Variants in PCDHGB2 observed in about 807,000 individuals in gnomAD.
PCDHGB2 encodes protocadherin gamma subfamily B, 2, also known as protocadherin gamma-B2.
PCDHGB2 carries 55 observed loss-of-function variants against 59.3 expected under a neutral mutation model. The observed-to-expected ratio is 0.93, with a 90% CI of 0.75 to 1.16. The LOEUF (loss-of-function observed/expected upper bound fraction) is 1.16. Ranked by LOEUF, PCDHGB2 falls within the 50% of genes most tolerant of loss-of-function variation. The probability of loss-of-function intolerance (pLI) is 0.00; values close to 1 mark genes in which losing one functional copy is unlikely to be tolerated. For synonymous variants in PCDHGB2, 516 were observed against 512.0 expected (o/e 1.01, Z -0.11); for missense variants, 1,228 against 1,198.5 (o/e 1.02, Z -0.36).
At chr5:141,439,524 A>T (rs774174912) in intron 1 of PCDHGB2, among the ~76,000 whole-genome samples, 2 of 152,114 alleles carry the variant, frequency 1.3e-5, no homozygotes, top group Admixed American at 6.5e-5. Flanking sequence ...AACTAACTCT[A>T]CAGAACGCTG....
In PCDHGB2 at chr5:141,421,624, A is replaced by G; in HGVS notation, c.2421+59068A>G. On this transcript the variant is annotated intron_variant, in intron 1 of 3. Transcript: ENST00000522605. ...AATAGATATTAATGATAACGCCCCC[A>G]GCTTCCAGGAGGACGAAGTGGAGAT... 2.5e-6 allele frequency: 4 copies of G among 1,613,872 alleles called. No homozygotes were observed. The South Asian group carries it at 3.3e-5, about 13-fold the overall frequency.
Position 141,393,633 on chromosome 5 carries a change from A to G in PCDHGB2, c.2421+31077A>G, listed in dbSNP as rs376168054. The stretch of plus-strand genomic sequence containing the variant: ...AGCCAGCGACCCGGATGAGGGAATC[A>G]ACGGAAAAGTGGCATACAAATTCCG... On this transcript the variant is annotated intron_variant, in intron 1 of 3. Transcript: ENST00000522605. 8 of 1,613,854 alleles carry G rather than the reference A, an allele frequency of 5.0e-6. No homozygotes were observed. The highest frequency in any genetic ancestry group is 1.3e-5 in the African/African-American group (1 of 74,956).
chr5:141,412,790 A>G lies in PCDHGB2; in HGVS notation c.2421+50234A>G, dbSNP rs557299291. ...ATTTACAATATTTTCACTCCACTTTATCACACCTCCCCTAAGAAACCTACA... is the reference window on the plus strand; with the variant it reads ...ATTTACAATATTTTCACTCCACTTTGTCACACCTCCCCTAAGAAACCTACA... On this transcript the variant is annotated intron_variant, in intron 1 of 3. Coordinates refer to ENST00000522605, the MANE Select transcript of PCDHGB2 (RefSeq NM_018923.3). Among the ~76,000 whole-genome samples the G allele has an allele frequency of 2.0e-5, 3 of 152,370 alleles. No individual in the cohort carries two copies. The South Asian group carries it at 6.2e-4, about 32-fold the overall frequency.
intron 1 of PCDHGB2, chr5:141,400,191 A>C (rs781032596): frequency 5.0e-6 from 8 of 1,613,852 alleles, no homozygotes; most frequent in Non-Finnish European, 4.2e-6. Context: ...AGTTTTACCT[A>C]GTGGTGGCCT....
rs1414722237 is a variant in PCDHGB2 at position 141,432,748 on chromosome 5, C to T, written c.2422-62059C>T. On this transcript the variant is annotated intron_variant, in intron 1 of 3. Coordinates refer to ENST00000522605, the MANE Select transcript of PCDHGB2 (RefSeq NM_018923.3). The surrounding 1 kb of genome is among the most constrained non-coding windows in gnomAD (Gnocchi z 6.0). ...CCGCCACTGTCACGCTCACCGTGGC[C>T]GTGGCCGACAGCATCCCCCAAGTCC... 1 of 1,614,120 alleles carries T rather than the reference C, an allele frequency of 6.2e-7. No homozygotes were observed. The highest frequency in any genetic ancestry group is 8.5e-7 in the Non-Finnish European group (1 of 1,179,980).
At chr5:141,504,240 G>A (rs1275204117) in intron 2 of PCDHGB2, among the ~76,000 whole-genome samples, 1 of 152,182 alleles carries the variant, frequency 6.6e-6, no homozygotes, top group Non-Finnish European at 1.5e-5. Context: ...AAGAAGCAGA[G>A]AGTTCTTCTT....
intron 1 of PCDHGB2, among the ~76,000 whole-genome samples, chr5:141,466,246 A>G (rs1357175003): frequency 6.6e-6 from 1 of 152,100 alleles, no homozygotes; most frequent in Non-Finnish European, 1.5e-5. Flanking sequence ...TCATGGCTCA[A>G]TGCAGCCTTG....
At chr5:141,403,596 C>G (rs746360206) in intron 1 of PCDHGB2, 16 of 1,613,650 alleles carry the variant, frequency 9.9e-6, no homozygotes, top group African/African-American at 2.7e-5. Flanking sequence ...CTCACGGCCT[C>G]GGATGGCGGC....
In PCDHGB2 at chr5:141,361,204, C is replaced by T. The variant is rs977758534; in HGVS notation, c.1069C>T (p.Pro357Ser). Reference sequence around the variant, plus strand: ...TGTGACTTCAGTATCTACTCCCCTACCGGAGGATTCGCCACCAGGAACAGT... The same window carrying T: ...TGTGACTTCAGTATCTACTCCCCTATCGGAGGATTCGCCACCAGGAACAGT... The part of the protein sequence containing the change: ...VIVTSVSTPL[P>S]EDSPPGTVIA... The change falls in exon 1 of 4, where the codon CCG becomes TCG. Residue 357 changes from proline to serine, a missense_variant. By Grantham distance (74) the Pro-to-Ser change is moderately conservative (BLOSUM62 -1). Around this residue, in one of 3 missense-constraint regions of PCDHGB2, gnomAD observed 781 missense variants for 721.6 expected, o/e 1.08. Coordinates refer to ENST00000522605, the MANE Select transcript of PCDHGB2 (RefSeq NM_018923.3). 5.6e-6 allele frequency: 9 copies of T among 1,613,832 alleles called. No homozygotes were observed. Among genetic ancestry groups the T allele is most frequent in the Non-Finnish European group, 7.6e-6 (9 of 1,179,888 alleles).
In PCDHGB2 at chr5:141,491,105, C is replaced by T; in HGVS notation, c.2422-3702C>T. ...ACAGCCCCAGGACTGTTCCTCGTGTCTACACACACTGGTGAGGTGCGCACA... is the reference window on the plus strand; with the variant it reads ...ACAGCCCCAGGACTGTTCCTCGTGTTTACACACACTGGTGAGGTGCGCACA... On this transcript the variant is annotated intron_variant, in intron 1 of 3. Transcript: ENST00000522605. This position sits in a 1 kb window ranked among gnomAD's most constrained non-coding sequence, Gnocchi z 6.9. 1 of 1,614,222 alleles carries T rather than the reference C, an allele frequency of 6.2e-7. No individual in the cohort carries two copies. Among genetic ancestry groups the T allele is most frequent in the Non-Finnish European group, 8.5e-7 (1 of 1,180,032 alleles).
At chr5:141,499,689 CTTT>C (rs545067566) in intron 2 of PCDHGB2, among the ~76,000 whole-genome samples, 2 of 119,848 alleles carry the variant, frequency 1.7e-5, no homozygotes, top group African/African-American at 3.1e-5. Context: ...TAACAGATGA[CTTT>C]TTTTTTTTTT....
intron 2 of PCDHGB2, among the ~76,000 whole-genome samples, chr5:141,497,293 C>T (rs1270907262): frequency 6.6e-6 from 1 of 152,136 alleles, no homozygotes. Flanking sequence ...TACCTACCAC[C>T]ACCCCAGGCC....
At chr5:141,417,007 C>A (rs1204390468) in intron 1 of PCDHGB2, 1 of 148,406 alleles carries the variant, frequency 6.7e-6, no homozygotes, top group Non-Finnish European at 1.5e-5. Flanking sequence ...TCAAATAATT[C>A]TATTATTTTG....
At chr5:141,370,334 T>C in intron 1 of PCDHGB2, 3 of 1,443,302 alleles carry the variant, frequency 2.1e-6, no homozygotes, top group Non-Finnish European at 2.8e-6. Context: ...CGGAGAACTC[T>C]TGGGATTATT....
chr5:141,422,342 TG>T, intron 1 of PCDHGB2: 1 of 1,551,514 alleles, frequency 6.4e-7, no homozygotes. Context: ...CTTCTAAATG[TG>T]CAAGATCAAG....
At position 141,360,454 on chromosome 5, in the gene PCDHGB2, G is replaced by A. The variant is rs150944400; in HGVS notation, c.319G>A (p.Asp107Asn). Residue 107 changes from aspartate to asparagine, a missense_variant, in exon 1 of 4, where the codon GAT (aspartate) becomes AAT (asparagine). Physicochemically the swap from Asp to Asn is conservative, Grantham distance 23 (BLOSUM62 1). This residue lies in a region of PCDHGB2 where 781 missense variants were observed against 721.6 expected (regional missense o/e 1.08). Coordinates refer to ENST00000522605, the MANE Select transcript of PCDHGB2 (RefSeq NM_018923.3). ...GCAGCCTCTGTGTGTTCTGGATTTCGATACTGTCGCTGAAAATCCACTAAA... is the reference window on the plus strand; with the variant it reads ...GCAGCCTCTGTGTGTTCTGGATTTCAATACTGTCGCTGAAAATCCACTAAA... ...GKQPLCVLDF[D>N]TVAENPLNIF... The A allele has an allele frequency of 5.0e-4, 804 of 1,613,904 alleles. 3 individuals carry two copies. The African/African-American group carries it at 8.7e-3, about 18-fold the overall frequency.
At position 141,403,188 on chromosome 5, in the gene PCDHGB2, C is replaced by T. The variant is rs763950254; in HGVS notation, c.2421+40632C>T. ...AGGACGCAGCTTTTCTCTCTGAACCCGCGCAGCGGCACCTTGGTCACCGCG... is the reference window on the plus strand; with the variant it reads ...AGGACGCAGCTTTTCTCTCTGAACCTGCGCAGCGGCACCTTGGTCACCGCG... On this transcript the variant is annotated intron_variant, in intron 1 of 3. Coordinates refer to ENST00000522605, the MANE Select transcript of PCDHGB2 (RefSeq NM_018923.3). 5 of 1,613,850 alleles carry T rather than the reference C, an allele frequency of 3.1e-6. No individual in the cohort carries two copies. The African/African-American group carries it at 4.0e-5, about 13-fold the overall frequency.
intron 1 of PCDHGB2, among the ~76,000 whole-genome samples, chr5:141,438,626 A>G (rs1309857700): frequency 2.3e-5 from 1 of 43,566 alleles, no homozygotes; most frequent in Non-Finnish European, 3.7e-5. Flanking sequence ...ATATATATAT[A>G]TATATATATA....
chr5:141,477,569 G>A lies in PCDHGB2; in HGVS notation c.2422-17238G>A. The A allele has an allele frequency of 6.2e-7, 1 of 1,614,104 alleles. No homozygotes were observed. Among genetic ancestry groups the A allele is most frequent in the Non-Finnish European group, 8.5e-7 (1 of 1,180,024 alleles). On this transcript the variant is annotated intron_variant, in intron 1 of 3. Coordinates refer to ENST00000522605, the MANE Select transcript of PCDHGB2 (RefSeq NM_018923.3). This position sits in a 1 kb window ranked among gnomAD's most constrained non-coding sequence, Gnocchi z 4.9. ...ACTAAACCTAAGTGTCTGGGACCCC[G>A]ACGCCCCGCAGAATGCTCGGCTTTC...
Sources: allele counts gnomAD v4.1 joint callset (sites outside exome capture counted in the v4.1 genomes callset), GRCh38; gene constraint gnomAD v4.1.1; regional missense constraint gnomAD v4.1.1; non-coding constraint Gnocchi (gnomAD v3.1); transcripts MANE v1.5; gene names NCBI Gene and HGNC (gene_info 2026-07-23, HGNC 2026-07-21).